BRWD1: variants seen among roughly 807,000 people sequenced by gnomAD.
BRWD1 encodes the protein bromodomain and WD repeat-containing protein 1.
Under a neutral mutation model 251.2 loss-of-function variants are expected in BRWD1, and 82 were observed. The ratio of observed to expected loss-of-function variants is 0.33; its 90% CI spans 0.27 to 0.39. The LOEUF (loss-of-function observed/expected upper bound fraction) is 0.39. Among genes scored for constraint, BRWD1 ranks in the 10% least tolerant of loss-of-function variants. The pLI is 1.00. For synonymous variants in BRWD1, 918 were observed against 902.8 expected (o/e 1.02, Z -0.30); for missense variants, 2,233 against 2,711.6 (o/e 0.82, Z 3.92).
upstream of BRWD1, among the ~76,000 whole-genome samples, chr21:39,317,828 A>T (rs150622068): frequency 1.3e-5 from 2 of 152,200 alleles, no homozygotes; most frequent in African/African-American, 4.8e-5. Flanking sequence ...AGGCAGGAGG[A>T]CCGCATGAGC....
intron 4 of BRWD1, among the ~76,000 whole-genome samples, chr21:39,305,253 C>T (rs1039158267): frequency 6.6e-6 from 1 of 152,168 alleles, no homozygotes; most frequent in African/African-American, 2.4e-5. Flanking sequence ...GCCACCACAT[C>T]TGGCCGTAGT....
At chr21:39,201,322 G>T (rs1345485234) in intron 38 of BRWD1, among the ~76,000 whole-genome samples, 1 of 152,098 alleles carries the variant, frequency 6.6e-6, no homozygotes, top group Non-Finnish European at 1.5e-5. Context: ...TTGACTCCCT[G>T]TTTTTCCAGG....
intron 3 of BRWD1, 44 bp from the exon 4 acceptor site, chr21:39,312,944 C>A: frequency 6.4e-6 from 4 of 622,824 alleles, no homozygotes; most frequent in Non-Finnish European, 7.4e-6. Flanking sequence ...CCCTCCGGCG[C>A]GGGGGGGGCG....
chr21:39,229,637 C>T (rs569410590), intron 25 of BRWD1, among the ~76,000 whole-genome samples: 24 of 152,226 alleles, frequency 1.6e-4, no homozygotes, highest in African/African-American at 5.8e-4. Context: ...AAAGAACATC[C>T]TTTAGAAAAT....
chr21:39,207,948 G>A (rs549285534), intron 36 of BRWD1, among the ~76,000 whole-genome samples: 5 of 152,250 alleles, frequency 3.3e-5, no homozygotes, highest in Admixed American at 2.6e-4. Flanking sequence ...AAATTATCTA[G>A]GACAGGCAAA....
intron 21 of BRWD1, among the ~76,000 whole-genome samples, 177 bp downstream of exon 21, chr21:39,247,524 G>A (rs1463994127): frequency 6.6e-6 from 1 of 152,194 alleles, no homozygotes. Flanking sequence ...CAAGTATACA[G>A]TATGTGACTA....
chr21:39,188,972 G>GT lies in BRWD1; in HGVS notation c.*7286dup, dbSNP rs2146434712. 2.0e-6 allele frequency: 2 copies of GT among 985,362 alleles called. No homozygotes were observed. Among genetic ancestry groups the GT allele is most frequent in the South Asian group, 9.4e-5 (2 of 21,286 alleles). 61.0% of individuals were successfully genotyped at this position (985,362 alleles called of 1,614,324 possible). A position where few individuals can be genotyped will look rare whatever the true frequency, so the allele number is the denominator to read the frequency against. Reference sequence around the variant, plus strand: ...CCCTTACCTCCTTCAGCTGGACTCTGTGGGAAGAGAAGTGGCTTAAAGTGC... The same window carrying GT: ...CCCTTACCTCCTTCAGCTGGACTCTGTTGGGAAGAGAAGTGGCTTAAAGTGC... On this transcript the variant is annotated 3_prime_UTR_variant, in exon 41 of 41. Coordinates refer to ENST00000342449, the MANE Select transcript of BRWD1 (RefSeq NM_033656.4).
chr21:39,193,378 A>AT lies in BRWD1; in HGVS notation c.*2880dup. On this transcript the variant is annotated 3_prime_UTR_variant, in exon 41 of 41. Coordinates refer to ENST00000342449, the MANE Select transcript of BRWD1 (RefSeq NM_033656.4). ...ATGGGATAAACTTTTCCTTTTATTC[A>AT]TAAGTTACTTCACATTGTAAGTATA... 1 of 984,940 alleles carries AT rather than the reference A, an allele frequency of 1.0e-6. No homozygotes were observed. 61.0% of individuals were successfully genotyped at this position (984,940 alleles called of 1,614,324 possible).
intron 33 of BRWD1, 27 bp from the exon 34 acceptor site, chr21:39,212,734 G>C: frequency 2.1e-6 from 3 of 1,460,990 alleles, no homozygotes; most frequent in Non-Finnish European, 2.8e-6. Flanking sequence ...AGCACCTTAA[G>C]TATTTAGAGT....
At position 39,313,514 on chromosome 21, in the gene BRWD1, G is replaced by T; in HGVS notation, c.-23C>A. On this transcript the variant is annotated 5_prime_UTR_variant, in exon 1 of 41. Coordinates refer to ENST00000342449, the MANE Select transcript of BRWD1 (RefSeq NM_033656.4). Reference sequence around the variant, plus strand: ...CATGGCCGGGCGCGGGGCGGGAGGCGGGAGCGAGCGAGCGAGCGGAGCGTG... The same window carrying T: ...CATGGCCGGGCGCGGGGCGGGAGGCTGGAGCGAGCGAGCGAGCGGAGCGTG... 1.5e-6 allele frequency: 2 copies of T among 1,330,164 alleles called. No homozygotes were observed. Among genetic ancestry groups the T allele is most frequent in the Non-Finnish European group, 1.9e-6 (2 of 1,046,740 alleles). 82.4% of individuals were successfully genotyped at this position (1,330,164 alleles called of 1,614,324 possible). A position where few individuals can be genotyped will look rare whatever the true frequency, so the allele number is the denominator to read the frequency against.
chr21:39,190,635 G>A lies in BRWD1; in HGVS notation c.*5624C>T. On this transcript the variant is annotated 3_prime_UTR_variant, in exon 41 of 41. Transcript: ENST00000342449. ...ATGAAATGACCCCAAAACTCAGAAA[G>A]CAAATAACATTTATCAATGATCTTC... The A allele has an allele frequency of 1.0e-6, 1 of 985,352 alleles. No individual in the cohort carries two copies. Among genetic ancestry groups the A allele is most frequent in the Non-Finnish European group, 1.2e-6 (1 of 829,906 alleles). 61.0% of individuals were successfully genotyped at this position (985,352 alleles called of 1,614,324 possible).
intron 4 of BRWD1, among the ~76,000 whole-genome samples, chr21:39,307,902 A>T (rs1286102043): frequency 6.6e-6 from 1 of 152,114 alleles, no homozygotes; most frequent in African/African-American, 2.4e-5. Flanking sequence ...CTATCATTCT[A>T]TAGGTATTTC....
intron 8 of BRWD1, among the ~76,000 whole-genome samples, chr21:39,293,171 A>C (rs985405222): frequency 2.0e-5 from 3 of 152,156 alleles, no homozygotes; most frequent in African/African-American, 7.2e-5. Context: ...TCCTCTGCTT[A>C]TTGTGAAAAA....
At chr21:39,215,385 T>C (rs1351673971) in intron 31 of BRWD1, 23 bp from the exon 32 acceptor site, 1 of 1,597,724 alleles carries the variant, frequency 6.3e-7, no homozygotes. Flanking sequence ...GTAGACAATT[T>C]AGGGCTTAGA....
intron 29 of BRWD1, among the ~76,000 whole-genome samples, chr21:39,222,153 A>G (rs1425163897): frequency 1.3e-5 from 2 of 152,184 alleles, no homozygotes; most frequent in Non-Finnish European, 2.9e-5. Flanking sequence ...TCAGCCCTCA[A>G]AAGGTTAAAC....
chr21:39,243,656 G>A (rs1271065797), intron 21 of BRWD1, among the ~76,000 whole-genome samples: 1 of 151,660 alleles, frequency 6.6e-6, no homozygotes, highest in African/African-American at 2.4e-5. Context: ...GCCCCGTATT[G>A]CCCAGGCTGG....
intron 1 of BRWD1, among the ~76,000 whole-genome samples, chr21:39,320,201 C>G (rs1422610097): frequency 1.3e-5 from 2 of 152,164 alleles, no homozygotes; most frequent in Non-Finnish European, 2.9e-5. Context: ...TCCATTTTCC[C>G]AGCTCCTTTC....
intron 4 of BRWD1, among the ~76,000 whole-genome samples, chr21:39,300,197 C>A (rs1243674058): frequency 6.6e-6 from 1 of 152,122 alleles, no homozygotes; most frequent in Non-Finnish European, 1.5e-5. Flanking sequence ...CATAGGCCTT[C>A]ACCAACTGCA....
chr21:39,227,701 C>T (rs539553785), intron 27 of BRWD1, among the ~76,000 whole-genome samples: 86 of 152,218 alleles, frequency 5.6e-4, no homozygotes, highest in African/African-American at 2.0e-3. Context: ...AAAACAGTGT[C>T]AAGTCTTCCC....
Sources: gnomAD v4.1 joint callset for allele counts (sites outside exome capture counted in the v4.1 genomes callset) on GRCh38, gnomAD v4.1.1 for gene constraint, MANE v1.5 for transcripts, NCBI Gene and HGNC (gene_info 2026-07-23, HGNC 2026-07-21) for gene names.